The following EFHD1 variants were observed in gnomAD, a reference collection of about 807,000 sequenced individuals.
EFHD1 encodes EF-hand domain-containing protein D1.
Under a neutral mutation model 17.2 loss-of-function variants are expected in EFHD1, and 10 were observed. The observed-to-expected ratio is 0.58, with a 90% CI of 0.36 to 0.99. The LOEUF is 0.99. Ranked by LOEUF, EFHD1 falls within the 50% of genes least tolerant of loss-of-function variation. The probability of loss-of-function intolerance (pLI) is 0.01; values close to 1 mark genes in which losing one functional copy is unlikely to be tolerated. For synonymous variants in EFHD1, 153 were observed against 142.0 expected (o/e 1.08, Z -0.55); for missense variants, 310 against 327.5 (o/e 0.95, Z 0.41).
intron 2 of EFHD1, among the ~76,000 whole-genome samples, chr2:232,663,165 T>A (rs567404561): frequency 6.6e-6 from 1 of 152,252 alleles, no homozygotes; most frequent in African/African-American, 2.4e-5. Flanking sequence ...CTCATTTGAG[T>A]AAAATAATAA....
intron 1 of EFHD1, among the ~76,000 whole-genome samples, chr2:232,637,386 C>T (rs1279804211): frequency 1.3e-5 from 2 of 150,730 alleles, no homozygotes; most frequent in Admixed American, 6.6e-5. Flanking sequence ...CTCCATTGCC[C>T]AGGCTGGAGT....
chr2:232,669,230 T>G (rs1695023476), intron 2 of EFHD1, among the ~76,000 whole-genome samples: 1 of 152,186 alleles, frequency 6.6e-6, no homozygotes, highest in South Asian at 2.1e-4. Context: ...TTCTTTCAAG[T>G]CAATGTTCAG....
intron 1 of EFHD1, among the ~76,000 whole-genome samples, chr2:232,637,713 C>T (rs1694345134): frequency 6.6e-6 from 1 of 152,136 alleles, no homozygotes; most frequent in Non-Finnish European, 1.5e-5. Flanking sequence ...GGGCCCCTTG[C>T]AGTATATAAC....
intron 2 of EFHD1, among the ~76,000 whole-genome samples, chr2:232,663,199 A>G (rs1694907318): frequency 6.6e-6 from 1 of 152,180 alleles, no homozygotes; most frequent in South Asian, 2.1e-4. Flanking sequence ...GTTCACCAAA[A>G]TATTCATAGT....
At chr2:232,669,057 G>A (rs978010117) in intron 2 of EFHD1, among the ~76,000 whole-genome samples, 1 of 152,138 alleles carries the variant, frequency 6.6e-6, no homozygotes, top group Non-Finnish European at 1.5e-5. Context: ...AATGATTTAA[G>A]GATAGCAGGG....
At chr2:232,617,182 A>G (rs1693940218) in intron 1 of EFHD1, among the ~76,000 whole-genome samples, 1 of 152,212 alleles carries the variant, frequency 6.6e-6, no homozygotes, top group South Asian at 2.1e-4. Flanking sequence ...TCAGGGTTCC[A>G]AAACAAGTGT....
At chr2:232,610,277 G>A (rs1331659296) in intron 1 of EFHD1, among the ~76,000 whole-genome samples, 4 of 152,346 alleles carry the variant, frequency 2.6e-5, no homozygotes, top group Non-Finnish European at 5.9e-5. Flanking sequence ...CTCTGGGGAC[G>A]GAAAGCCCTC....
rs1031121601 is a variant in EFHD1, at chr2:232,681,487, C to T, written c.586-98C>T. The T allele has an allele frequency of 6.6e-6, 10 of 1,516,594 alleles. No homozygotes were observed. In the Admixed American group the frequency reaches 2.0e-4, roughly 31 times the overall value. The allele number at this position is 1,516,594 out of a possible 1,614,324, so 93.9% of individuals were successfully genotyped here. On this transcript the variant is annotated intron_variant, in intron 3 of 3. Transcript: ENST00000264059. ...TCCGTGGGCCCACATTCCCTTGTCTCTAGGTCTGCTGAATGGGCTGTTGGC... is the reference window on the plus strand; with the variant it reads ...TCCGTGGGCCCACATTCCCTTGTCTTTAGGTCTGCTGAATGGGCTGTTGGC...
chr2:232,635,911 A>G (rs1047028466), intron 1 of EFHD1, among the ~76,000 whole-genome samples: 1 of 152,086 alleles, frequency 6.6e-6, no homozygotes, highest in Non-Finnish European at 1.5e-5. Flanking sequence ...ATTTCTTTCT[A>G]GGTTGAGTTT....
At chr2:232,638,202 AAATTT>A in intron 1 of EFHD1, 1 of 373,972 alleles carries the variant, frequency 2.7e-6, no homozygotes, top group Non-Finnish European at 5.4e-6. Flanking sequence ...GTTAGACAGG[AAATTT>A]TAATTACCCT....
At chr2:232,639,004 C>T (rs933584026) in intron 1 of EFHD1, among the ~76,000 whole-genome samples, 3 of 152,132 alleles carry the variant, frequency 2.0e-5, no homozygotes, top group African/African-American at 7.2e-5. Flanking sequence ...GTGTCTTAGA[C>T]GGGTTTAAGT....
intron 3 of EFHD1, among the ~76,000 whole-genome samples, chr2:232,679,361 C>T (rs184331405): frequency 6.6e-6 from 1 of 151,928 alleles, no homozygotes; most frequent in Admixed American, 6.6e-5. Flanking sequence ...GAGACTAATA[C>T]CTAGTATTTA....
At chr2:232,662,265 G>A (rs1176022082) in intron 1 of EFHD1, among the ~76,000 whole-genome samples, 1 of 152,152 alleles carries the variant, frequency 6.6e-6, no homozygotes, top group Non-Finnish European at 1.5e-5. Context: ...AACCAGAGGG[G>A]AATCATGAGC....
rs1694901878 is a variant in EFHD1, at chr2:232,662,885, T to C, written c.386T>C (p.Leu129Pro). ...MEKLGAPQTHLGLKSMIKEVD... is the reference protein window; with the variant it reads ...MEKLGAPQTHPGLKSMIKEVD... ...AAGCTGGGGGCCCCCCAGACCCACCTGGGCCTGAAGAGCATGATCAAGGAG... is the reference window on the plus strand; with the variant it reads ...AAGCTGGGGGCCCCCCAGACCCACCCGGGCCTGAAGAGCATGATCAAGGAG... Residue 129 changes from leucine (L) to proline (P), a missense_variant, in exon 2 of 4, where the codon CTG (leucine) becomes CCG (proline). Coordinates refer to ENST00000264059, the MANE Select transcript of EFHD1 (RefSeq NM_025202.4). 1 of 1,596,066 alleles carries C rather than the reference T, an allele frequency of 6.3e-7. No homozygotes were observed. The highest frequency in any genetic ancestry group is 1.4e-5 in the African/African-American group (1 of 73,630).
At chr2:232,639,882 G>C (rs1694394975) in intron 1 of EFHD1, among the ~76,000 whole-genome samples, 1 of 152,116 alleles carries the variant, frequency 6.6e-6, no homozygotes, top group Non-Finnish European at 1.5e-5. Context: ...ACTCACACAT[G>C]CCTACCTGCG....
chr2:232,617,165 C>T (rs1041681077), intron 1 of EFHD1, among the ~76,000 whole-genome samples: 7 of 152,210 alleles, frequency 4.6e-5, no homozygotes, highest in Admixed American at 1.3e-4. Flanking sequence ...ATTCCATTCG[C>T]GGTGGTTCAG....
chr2:232,663,975 G>A (rs1369287061), intron 2 of EFHD1, among the ~76,000 whole-genome samples: 1 of 151,764 alleles, frequency 6.6e-6, no homozygotes, highest in Non-Finnish European at 1.5e-5. Context: ...TAAAATTTTT[G>A]TAGAGATGAG....
chr2:232,613,236 T>G (rs1481709564), intron 1 of EFHD1, among the ~76,000 whole-genome samples: 1 of 151,770 alleles, frequency 6.6e-6, no homozygotes. Flanking sequence ...CCAGCCTGAC[T>G]AATATGGTGA....
In EFHD1 at chr2:232,655,851, G is replaced by A. The variant is rs556447589; in HGVS notation, c.303-6951G>A. Among the ~76,000 whole-genome samples the A allele has an allele frequency of 2.6e-4, 38 of 144,356 alleles. 1 individual carries two copies. The South Asian group carries it at 7.6e-3, about 29-fold the overall frequency. 94.7% of individuals were successfully genotyped at this position (144,356 alleles called of 152,430 possible). On this transcript the variant is annotated intron_variant, in intron 1 of 3. Transcript: ENST00000264059. Reference sequence around the variant, plus strand: ...AGTCGGAATCTTGCTCTGTCACCCAGGCTGGAGTGCAGTGGCACGACCTCG... The same window carrying A: ...AGTCGGAATCTTGCTCTGTCACCCAAGCTGGAGTGCAGTGGCACGACCTCG...
Sources: allele counts gnomAD v4.1 joint callset (sites outside exome capture counted in the v4.1 genomes callset), GRCh38; gene constraint gnomAD v4.1.1; transcripts MANE v1.5; gene names NCBI Gene and HGNC (gene_info 2026-07-23, HGNC 2026-07-21).